The following NHEJ1 variants were observed in gnomAD, a reference collection of about 807,000 sequenced individuals.
The protein encoded by NHEJ1 is non-homologous end joining factor 1, also known as non-homologous end-joining factor 1.
A neutral mutation model predicts 39.4 loss-of-function variants in NHEJ1; 22 were observed. The observed-to-expected ratio is 0.56, with a 90% confidence interval of 0.40 to 0.80. The LOEUF is 0.80. Ranked by LOEUF, NHEJ1 falls within the 30% of genes least tolerant of loss-of-function variation. The pLI is 0.00. For synonymous variants in NHEJ1, 154 were observed against 135.6 expected, an observed-to-expected ratio of 1.14 and a Z score of -0.94; for missense variants, 329 against 357.1, an observed-to-expected ratio of 0.92 and a Z score of 0.63.
At chr2:219,151,751 G>A (rs1033765701) in intron 3 of NHEJ1, among the ~76,000 whole-genome samples, 9 of 152,096 alleles carry the variant, frequency 5.9e-5, no homozygotes, top group African/African-American at 1.7e-4. Flanking sequence ...CAGATGACCC[G>A]AAGCCAGGAA....
intron 5 of NHEJ1, among the ~76,000 whole-genome samples, chr2:219,115,038 A>C (rs1260393804): frequency 2.0e-5 from 3 of 152,160 alleles, no homozygotes; most frequent in African/African-American, 7.2e-5. Context: ...GGGGCCTCCG[A>C]CGTGTTCAAT....
intron 5 of NHEJ1, among the ~76,000 whole-genome samples, chr2:219,108,241 C>T (rs1046646704): frequency 2.6e-5 from 4 of 152,182 alleles, no homozygotes; most frequent in Admixed American, 6.5e-5. Context: ...AAGGCTCTGC[C>T]CTCCTTCCAC....
intron 6 of NHEJ1, 41 bp from the exon 7 acceptor site, chr2:219,077,405 T>C: frequency 7.0e-7 from 1 of 1,422,648 alleles, no homozygotes; most frequent in Non-Finnish European, 9.9e-7. Flanking sequence ...GATAAATGCC[T>C]TCTTCTTACC....
chr2:219,082,310 C>G (rs527748547), intron 5 of NHEJ1, among the ~76,000 whole-genome samples: 72 of 152,342 alleles, frequency 4.7e-4, no homozygotes, highest in African/African-American at 1.4e-3. Flanking sequence ...TTTTATTTCC[C>G]CTTCTTGTCC....
intron 3 of NHEJ1, among the ~76,000 whole-genome samples, chr2:219,154,924 G>T (rs1462613791): frequency 6.9e-6 from 1 of 145,426 alleles, no homozygotes; most frequent in Non-Finnish European, 1.5e-5. Context: ...TATTAATATA[G>T]ATTAATATAA....
At chr2:219,134,508 T>C (rs1256739523) in intron 5 of NHEJ1, among the ~76,000 whole-genome samples, 32 of 152,238 alleles carry the variant, frequency 2.1e-4, no homozygotes, top group Admixed American at 2.0e-3. Context: ...TTTCCATCAC[T>C]GGCTATTACT....
chr2:219,129,588 A>G (rs1195120268), intron 5 of NHEJ1, among the ~76,000 whole-genome samples: 1 of 151,538 alleles, frequency 6.6e-6, no homozygotes, highest in African/African-American at 2.4e-5. Flanking sequence ...TTGTCCTGTA[A>G]GGGGAGGGAT....
intron 5 of NHEJ1, among the ~76,000 whole-genome samples, chr2:219,142,724 T>C (rs991728421): frequency 1.4e-4 from 21 of 152,230 alleles, no homozygotes; most frequent in Non-Finnish European, 2.6e-4. Flanking sequence ...CCTAAGTCCC[T>C]GACTCTTCTT....
intron 5 of NHEJ1, among the ~76,000 whole-genome samples, chr2:219,088,558 A>G (rs1323685693): frequency 6.6e-6 from 1 of 152,200 alleles, no homozygotes; most frequent in Non-Finnish European, 1.5e-5. Flanking sequence ...AAGAGTATAT[A>G]TTATTCCATT....
intron 5 of NHEJ1, among the ~76,000 whole-genome samples, chr2:219,137,595 A>AAAAAAAAC (rs143557047): frequency 0.012 from 988 of 82,398 alleles, 50 homozygotes; most frequent in Non-Finnish European, 0.021. Context: ...AAAAAAAACA[A>AAAAAAAAC]AAAAAACTGA....
intron 3 of NHEJ1, among the ~76,000 whole-genome samples, chr2:219,150,340 CTA>C (rs1197685709): frequency 9.2e-5 from 14 of 152,172 alleles, no homozygotes; most frequent in Admixed American, 9.2e-4. Context: ...TAAAGTCCAG[CTA>C]TAGATACTAG....
At chr2:219,100,518 T>C (rs189541654) in intron 5 of NHEJ1, among the ~76,000 whole-genome samples, 2 of 148,628 alleles carry the variant, frequency 1.3e-5, no homozygotes, top group African/African-American at 5.0e-5. Context: ...GACTGAGGCA[T>C]GAGAATCATT....
chr2:219,136,987 A>C (rs1412786211), intron 5 of NHEJ1, among the ~76,000 whole-genome samples: 1 of 151,874 alleles, frequency 6.6e-6, no homozygotes, highest in Non-Finnish European at 1.5e-5. Context: ...TAAAATTTTT[A>C]ATAAATTTCC....
intron 3 of NHEJ1, among the ~76,000 whole-genome samples, chr2:219,148,629 G>A (rs2106362926): frequency 6.6e-6 from 1 of 152,204 alleles, no homozygotes; most frequent in Admixed American, 6.5e-5. Context: ...AAGAAAATAA[G>A]TGTGGCAAAA....
chr2:219,078,165 A>G lies in NHEJ1; in HGVS notation c.630T>C (p.Phe210=). 1.2e-6 allele frequency: 2 copies of G among 1,614,146 alleles called. No individual in the cohort carries two copies. Among genetic ancestry groups the G allele is most frequent in the Non-Finnish European group, 1.7e-6 (2 of 1,180,026 alleles). Reference sequence around the variant, plus strand: ...TATACAGATCCTGCAGATTCATGACAAAGGGCTTTCCATCACCAATGCTGC... The same window carrying G: ...TATACAGATCCTGCAGATTCATGACGAAGGGCTTTCCATCACCAATGCTGC... ...EACSIGDGKP[F]VMNLQDLYMA... is the part of the protein sequence containing the mutation. The change falls in exon 6 of 8, where the codon TTT becomes TTC. Residue 210 remains phenylalanine (F), a synonymous_variant. Coordinates refer to ENST00000356853, the MANE Select transcript of NHEJ1 (RefSeq NM_024782.3).
intron 5 of NHEJ1, among the ~76,000 whole-genome samples, chr2:219,117,470 A>G (rs1371210550): frequency 6.6e-6 from 1 of 152,240 alleles, no homozygotes; most frequent in Non-Finnish European, 1.5e-5. Flanking sequence ...CATGGGGCAC[A>G]GCCAAGAATC....
intron 1 of NHEJ1, chr2:219,159,194 T>G (rs1949886265): frequency 6.6e-6 from 1 of 152,258 alleles, no homozygotes; most frequent in African/African-American, 2.4e-5. Flanking sequence ...CCCACTCCAG[T>G]GCACTGCCAC....
intron 5 of NHEJ1, among the ~76,000 whole-genome samples, chr2:219,109,232 T>C (rs1949341083): frequency 6.6e-6 from 1 of 152,134 alleles, no homozygotes; most frequent in African/African-American, 2.4e-5. Flanking sequence ...AACTGGATAA[T>C]ATGCCAGGGA....
intron 5 of NHEJ1, chr2:219,095,423 T>C (rs1949199160): frequency 2.2e-6 from 1 of 457,486 alleles, no homozygotes; most frequent in Non-Finnish European, 4.6e-6. Context: ...ATCAAGTTCT[T>C]AGCATGTGTT....
Sources: gnomAD v4.1 joint callset for allele counts (sites outside exome capture counted in the v4.1 genomes callset) on GRCh38, gnomAD v4.1.1 for gene constraint, MANE v1.5 for transcripts, NCBI Gene and HGNC (gene_info 2026-07-23, HGNC 2026-07-21) for gene names.